The following EMC1 variants were observed in gnomAD, a reference collection of about 807,000 sequenced individuals.
EMC1 encodes ER membrane protein complex subunit 1.
EMC1 carries 103 observed loss-of-function variants against 128.8 expected under a neutral mutation model. That is an observed-to-expected ratio of 0.80 (90% CI 0.68 to 0.94). The LOEUF is 0.94. Among genes scored for constraint, EMC1 ranks in the 40% least tolerant of loss-of-function variants. The probability of loss-of-function intolerance (pLI) is 0.00; values close to 1 mark genes in which losing one functional copy is unlikely to be tolerated. For synonymous variants in EMC1, 442 were observed against 490.4 expected (o/e 0.90, Z 1.30); for missense variants, 1,083 against 1,250.6 (o/e 0.87, Z 2.02).
chr1:19,246,131 C>CTA (rs980523403), intron 1 of EMC1, among the ~76,000 whole-genome samples: 4 of 152,082 alleles, frequency 2.6e-5, no homozygotes, highest in African/African-American at 9.7e-5. Flanking sequence ...TGGCTCACGC[C>CTA]TATAATCCCA....
chr1:19,215,958 G>A lies in EMC1; in HGVS notation c.*3345C>T, dbSNP rs949854849. The A allele has an allele frequency of 4.6e-5, 7 of 151,982 alleles. No individual in the cohort carries two copies. Among genetic ancestry groups the A allele is most frequent in the African/African-American group, 1.7e-4 (7 of 41,378 alleles). The allele number at this position is 151,982 out of a possible 1,614,324, so 9.4% of individuals were successfully genotyped here. A position where few individuals can be genotyped will look rare whatever the true frequency, so the allele number is the denominator to read the frequency against. The stretch of plus-strand genomic sequence containing the variant: ...CCTGCCTTGGCCTCCCAAAGTGCTG[G>A]GATTATAGGCTTGAGCCACCATGCC... On this transcript the variant is annotated 3_prime_UTR_variant, in exon 23 of 23. Transcript: ENST00000477853.
chr1:19,238,121 T>C lies in EMC1; in HGVS notation c.1108A>G (p.Asn370Asp), dbSNP rs1171726242. 1 of 1,614,080 alleles carries C rather than the reference T, an allele frequency of 6.2e-7. No homozygotes were observed. The change falls in exon 11 of 23, where the codon AAT becomes GAT. Residue 370 changes from asparagine (N) to aspartate (D), a missense_variant. Physicochemically the swap from Asn to Asp is conservative, Grantham distance 23. Transcript: ENST00000477853. ...SSSKDSLACFNQTYTINLYLV... is the reference protein window; with the variant it reads ...SSSKDSLACFDQTYTINLYLV... ...TATAGGTTAATGGTGTAGGTCTGAT[T>C]GAAGCAAGCCAGAGAGTCCTAGGAG... is the stretch of plus-strand genomic sequence containing the variant.
chr1:19,220,810 C>A lies in EMC1; in HGVS notation c.2626G>T (p.Ala876Ser). 6.2e-7 allele frequency: 1 copy of A among 1,613,316 alleles called. No individual in the cohort carries two copies. Among genetic ancestry groups the A allele is most frequent in the Non-Finnish European group, 8.5e-7 (1 of 1,179,690 alleles). Residue 876 changes from alanine (A) to serine (S), a missense_variant, in exon 21 of 23, where the codon GCT (alanine) becomes TCT (serine). Ala to Ser is a moderately conservative substitution (Grantham distance 99, BLOSUM62 1). Transcript: ENST00000477853. ...TCGGGGCGGCGGGGATCCAGCAAAG[C>A]CTTAGGAAGGGAAAGAATTGCTCCA... ...PSGAILSLPK[A>S]LLDPRRPEIP...
intron 18 of EMC1, 24 bp downstream of exon 18, chr1:19,227,289 G>C: frequency 6.2e-7 from 1 of 1,613,812 alleles, no homozygotes; most frequent in Non-Finnish European, 8.5e-7. Context: ...CCTTGCTGTA[G>C]ACCAGACAGC....
intron 15 of EMC1, among the ~76,000 whole-genome samples, 169 bp downstream of exon 15, chr1:19,232,455 A>G (rs577084439): frequency 4.6e-5 from 7 of 152,350 alleles, no homozygotes; most frequent in East Asian, 3.9e-4. Context: ...ATTCCACATC[A>G]GTGCTGGATG....
intron 17 of EMC1, among the ~76,000 whole-genome samples, chr1:19,228,717 C>T (rs1446809800): frequency 1.3e-5 from 2 of 151,852 alleles, no homozygotes; most frequent in Non-Finnish European, 2.9e-5. Context: ...AAGCAAATTT[C>T]ATAAGAATAA....
chr1:19,233,927 G>A (rs970650074), intron 13 of EMC1, among the ~76,000 whole-genome samples: 83 of 152,220 alleles, frequency 5.5e-4, no homozygotes, highest in African/African-American at 1.8e-3. Context: ...AGGATTTAGC[G>A]TGGTGGCTGG....
intron 12 of EMC1, 38 bp downstream of exon 12, chr1:19,237,104 G>A: frequency 6.9e-7 from 1 of 1,450,492 alleles, no homozygotes; most frequent in Non-Finnish European, 9.7e-7. Context: ...TGGAAGGCCT[G>A]GGGAAATAAA....
In EMC1 at chr1:19,220,868, TG is replaced by T; in HGVS notation, c.2588-21del. ...GTCCAACTACACAGGAGGAAGTGAA[TG>T]TTCACACCGATCCAGTGTCCAGCAA... On this transcript the variant is annotated intron_variant, in intron 20 of 22. Transcript: ENST00000477853. 6.4e-7 allele frequency: 1 copy of T among 1,558,976 alleles called. No individual in the cohort carries two copies.
At chr1:19,237,083 T>G (rs906554914) in intron 12 of EMC1, 59 bp downstream of exon 12, 3 of 1,235,658 alleles carry the variant, frequency 2.4e-6, no homozygotes, top group African/African-American at 3.0e-5. Flanking sequence ...AACAGTCTGA[T>G]TGGAACACAT....
chr1:19,240,990 C>A (rs1558109839), intron 6 of EMC1, 26 bp downstream of exon 6: 1 of 1,611,666 alleles, frequency 6.2e-7, no homozygotes, highest in Admixed American at 1.7e-5. Context: ...CCACCTTATT[C>A]ACAGGCTCCT....
In EMC1 at chr1:19,217,839, C is replaced by G. The variant is rs752494685; in HGVS notation, c.*1464G>C. The G allele has an allele frequency of 6.6e-6, 1 of 152,152 alleles. No individual in the cohort carries two copies. Among genetic ancestry groups the G allele is most frequent in the Non-Finnish European group, 1.5e-5 (1 of 68,032 alleles). 9.4% of individuals were successfully genotyped at this position (152,152 alleles called of 1,614,324 possible). A position where few individuals can be genotyped will look rare whatever the true frequency, so the allele number is the denominator to read the frequency against. On this transcript the variant is annotated 3_prime_UTR_variant, in exon 23 of 23. Coordinates refer to ENST00000477853, the MANE Select transcript of EMC1 (RefSeq NM_015047.3). ...GGAGATTCTTAGACATTCAGTCACT[C>G]AATATCAAACTGACAATTAATAAAA...
chr1:19,218,860 T>G lies in EMC1; in HGVS notation c.*443A>C. On this transcript the variant is annotated 3_prime_UTR_variant, in exon 23 of 23. Coordinates refer to ENST00000477853, the MANE Select transcript of EMC1 (RefSeq NM_015047.3). ...TATAAGGTGGAGTCGGCAAGGAGAGTTCCCCTCTTACTTTGAAGCAAGAGA... is the reference window on the plus strand; with the variant it reads ...TATAAGGTGGAGTCGGCAAGGAGAGGTCCCCTCTTACTTTGAAGCAAGAGA... 3 of 161,710 alleles carry G rather than the reference T, an allele frequency of 1.9e-5. No individual in the cohort carries two copies. The highest frequency in any genetic ancestry group is 2.7e-5 in the Non-Finnish European group (2 of 74,000). The allele number at this position is 161,710 out of a possible 1,614,324, so 10.0% of individuals were successfully genotyped here. A position where few individuals can be genotyped will look rare whatever the true frequency, so the allele number is the denominator to read the frequency against.
rs2093409398 is a variant in EMC1, at chr1:19,218,714, C to T, written c.*589G>A. The T allele has an allele frequency of 6.6e-6, 1 of 152,338 alleles. No individual in the cohort carries two copies. The allele number at this position is 152,338 out of a possible 1,614,324, so 9.4% of individuals were successfully genotyped here. ...AGAGGTTTAAAGTAAGTTTTGACAT[C>T]ACATATAGATCCCTCAACCCTAAGT... On this transcript the variant is annotated 3_prime_UTR_variant, in exon 23 of 23. Coordinates refer to ENST00000477853, the MANE Select transcript of EMC1 (RefSeq NM_015047.3).
chr1:19,220,239 A>G (rs1306239392), intron 21 of EMC1: 1 of 161,488 alleles, frequency 6.2e-6, no homozygotes, highest in African/African-American at 2.4e-5. Flanking sequence ...CCAACAGTGA[A>G]TAAGATATTG....
intron 5 of EMC1, 106 bp downstream of exon 5, chr1:19,242,239 A>C (rs2093610333): frequency 5.7e-6 from 7 of 1,233,192 alleles, no homozygotes; most frequent in African/African-American, 1.5e-5. Context: ...AACACCAACA[A>C]GAGACAGGCC....
intron 10 of EMC1, 86 bp downstream of exon 10, chr1:19,238,709 G>A (rs1218992496): frequency 1.6e-5 from 14 of 869,856 alleles, no homozygotes; most frequent in Non-Finnish European, 2.7e-5. Flanking sequence ...TCTAGGACCT[G>A]CTCCTAACCA....
chr1:19,228,017 C>T (rs1166941859), intron 17 of EMC1, among the ~76,000 whole-genome samples: 1 of 151,928 alleles, frequency 6.6e-6, no homozygotes, highest in Admixed American at 6.6e-5. Flanking sequence ...ACCAGCCTGA[C>T]CAACATAGAG....
At chr1:19,239,578 C>T (rs2093591081) in intron 8 of EMC1, 2 of 584,646 alleles carry the variant, frequency 3.4e-6, no homozygotes, top group African/African-American at 1.9e-5. Flanking sequence ...TTTATGTCCC[C>T]ATATTTCCTT....
Sources: allele counts gnomAD v4.1 joint callset (sites outside exome capture counted in the v4.1 genomes callset), GRCh38; gene constraint gnomAD v4.1.1; transcripts MANE v1.5; gene names NCBI Gene and HGNC (gene_info 2026-07-23, HGNC 2026-07-21).